Variants in AAGAB observed in about 807,000 individuals in gnomAD.
The protein encoded by AAGAB is alpha and gamma adaptin binding protein, also known as alpha- and gamma-adaptin-binding protein p34.
Under a neutral mutation model 44.1 loss-of-function variants are expected in AAGAB, and 38 were observed. The observed-to-expected ratio is 0.86, with a 90% CI of 0.67 to 1.13. The LOEUF is 1.13. AAGAB is among the 50% of genes most tolerant of loss of function. The pLI, the probability that AAGAB is intolerant of heterozygous loss-of-function variation, is 0.00. For synonymous variants in AAGAB, 131 were observed against 131.8 expected (o/e 0.99, Z 0.04); for missense variants, 450 against 373.8 (o/e 1.20, Z -1.68).
rs1232263127 is a variant in AAGAB, at chr15:67,205,879, CTTAAT to C, written c.716-1736_716-1732del. On this transcript the variant is annotated intron_variant, in intron 7 of 9. Coordinates refer to ENST00000261880, the MANE Select transcript of AAGAB (RefSeq NM_024666.5). Reference sequence around the variant, plus strand: ...ATTTGGTTTTGCCTTAAATCTTTTTCTTAATTTACTCTTAAAAAAAAACTTGCAAA... The same window carrying C: ...ATTTGGTTTTGCCTTAAATCTTTTTCTTACTCTTAAAAAAAAACTTGCAAA... 1.2e-4 allele frequency among the ~76,000 whole-genome samples: 16 copies of C among 133,060 alleles called. No homozygotes were observed. The South Asian group carries it at 3.6e-3, about 30-fold the overall frequency. The allele number at this position is 133,060 out of a possible 152,430, so 87.3% of individuals were successfully genotyped here. A position where few individuals can be genotyped will look rare whatever the true frequency, so the allele number is the denominator to read the frequency against.
chr15:67,213,291 A>G (rs1181890563), intron 5 of AAGAB, among the ~76,000 whole-genome samples: 1 of 152,214 alleles, frequency 6.6e-6, no homozygotes, highest in Non-Finnish European at 1.5e-5. Flanking sequence ...TGTCAGAAAC[A>G]AAACTATAGC....
chr15:67,242,629 G>C (rs1046494076), intron 1 of AAGAB: 20 of 152,168 alleles, frequency 1.3e-4, no homozygotes, highest in Admixed American at 3.3e-4. Context: ...AGTGGAAAGG[G>C]ACTTTGTAGC....
chr15:67,242,912 T>C lies in AAGAB; in HGVS notation c.74-6092A>G, dbSNP rs1219959584. ...ACTGCTTTAACAATAGTACAGAGAT[T>C]CTGGGTTGCTTACAACATTTAATTA... On this transcript the variant is annotated intron_variant, in intron 1 of 9. Transcript: ENST00000261880. 2.0e-5 allele frequency: 3 copies of C among 152,166 alleles called. No individual in the cohort carries two copies. In the East Asian group the frequency reaches 5.8e-4, roughly 29 times the overall value. The allele number at this position is 152,166 out of a possible 1,614,324, so 9.4% of individuals were successfully genotyped here.
At position 67,214,925 on chromosome 15, in the gene AAGAB, C is replaced by T. The variant is rs886286623; in HGVS notation, c.536-5381G>A. ...AAAGTGCTGGGATTACAGGTGTGAG[C>T]CACGGCACCCGGCAGTCCTTACTTT... On this transcript the variant is annotated intron_variant, in intron 5 of 9. Transcript: ENST00000261880. 3.3e-5 allele frequency among the ~76,000 whole-genome samples: 5 copies of T among 152,058 alleles called. No individual in the cohort carries two copies. The South Asian group carries it at 1.0e-3, about 32-fold the overall frequency.
Position 67,254,581 on chromosome 15 carries a change from G to A in AAGAB, c.51C>T (p.Phe17=), listed in dbSNP as rs374064896. The change falls in exon 1 of 10, where the codon TTC becomes TTT. Residue 17 remains phenylalanine, a synonymous_variant. Coordinates refer to ENST00000261880, the MANE Select transcript of AAGAB (RefSeq NM_024666.5). ...CALVTSCSSV[F]SGDQLVQHIL... ...CACGTTGGACCAGCTGGTCTCCTGA[G>A]AAGACGGAGGAGCAGCTGGTGACTA... 8.0e-5 allele frequency: 129 copies of A among 1,610,066 alleles called. No individual in the cohort carries two copies. The African/African-American group carries it at 1.7e-3, about 21-fold the overall frequency.
At position 67,244,798 on chromosome 15, in the gene AAGAB, C is replaced by T. The variant is rs559389994; in HGVS notation, c.74-7978G>A. On this transcript the variant is annotated intron_variant, in intron 1 of 9. Transcript: ENST00000261880. The stretch of plus-strand genomic sequence containing the variant: ...CAGCCTGGGCAAGAGAGTGAGACTC[C>T]GTCTTAAAAAAATAAAATAGTTAAA... Among the ~76,000 whole-genome samples the T allele has an allele frequency of 1.4e-3, 207 of 150,428 alleles. 2 individuals are homozygous for T. Among genetic ancestry groups the T allele is most frequent in the Non-Finnish European group, 2.3e-3 (154 of 67,792 alleles).
In AAGAB at chr15:67,242,220, G is replaced by A. The variant is rs1168091146; in HGVS notation, c.74-5400C>T. Reference sequence around the variant, plus strand: ...GGGTGGATCATGAGGTCAGGAGATCGAGACCATCCTGGCTAACAAGGTGAA... The same window carrying A: ...GGGTGGATCATGAGGTCAGGAGATCAAGACCATCCTGGCTAACAAGGTGAA... On this transcript the variant is annotated intron_variant, in intron 1 of 9. Coordinates refer to ENST00000261880, the MANE Select transcript of AAGAB (RefSeq NM_024666.5). Among the ~76,000 whole-genome samples the A allele has an allele frequency of 4.2e-5, 4 of 95,126 alleles. No individual in the cohort carries two copies. The East Asian group carries it at 2.0e-3, about 48-fold the overall frequency. 62.4% of individuals were successfully genotyped at this position (95,126 alleles called of 152,430 possible).
At chr15:67,206,369 T>C (rs1380916858) in intron 7 of AAGAB, among the ~76,000 whole-genome samples, 1 of 152,212 alleles carries the variant, frequency 6.6e-6, no homozygotes, top group Non-Finnish European at 1.5e-5. Flanking sequence ...TTCTCCAGTG[T>C]AAAGTTACTA....
rs369988746 is a variant in AAGAB, at chr15:67,202,848, T to G, written c.921A>C (p.Glu307Asp). 22 of 1,613,966 alleles carry G rather than the reference T, an allele frequency of 1.4e-5. No individual in the cohort carries two copies. The highest frequency in any genetic ancestry group is 1.7e-5 in the Non-Finnish European group (20 of 1,179,960). The change falls in exon 10 of 10, where the codon GAA becomes GAC. Residue 307 changes from glutamate to aspartate, a missense_variant. Glu to Asp is a conservative substitution (Grantham distance 45, BLOSUM62 2). Coordinates refer to ENST00000261880, the MANE Select transcript of AAGAB (RefSeq NM_024666.5). ...AGTGCTCTTCATCAGATGAAAGGCC[T>G]TCAATTTCATCTCTGTCTCCCCCGA... The part of the protein sequence containing the change: ...MAIGGDRDEI[E>D]GLSSDEEH
At chr15:67,208,296 T>A (rs1315628190) in intron 7 of AAGAB, among the ~76,000 whole-genome samples, 1 of 152,266 alleles carries the variant, frequency 6.6e-6, no homozygotes, top group Non-Finnish European at 1.5e-5. Context: ...TTTCGCCACC[T>A]GGTTCGGTCT....
intron 1 of AAGAB, among the ~76,000 whole-genome samples, chr15:67,239,283 C>T (rs922366330): frequency 6.6e-6 from 1 of 152,098 alleles, no homozygotes; most frequent in Non-Finnish European, 1.5e-5. Flanking sequence ...TTACTAACTG[C>T]AATTTAAAAT....
Position 67,254,536 on chromosome 15 carries a change from G to A in AAGAB, c.73+23C>T, listed in dbSNP as rs529424803. On this transcript the variant is annotated intron_variant, in intron 1 of 9. Coordinates refer to ENST00000261880, the MANE Select transcript of AAGAB (RefSeq NM_024666.5). ...CTGAGGCTCAGGGGCCTTGGAGGTCGGCCCAGGCGCCTATCTACTCACGTT... is the reference window on the plus strand; with the variant it reads ...CTGAGGCTCAGGGGCCTTGGAGGTCAGCCCAGGCGCCTATCTACTCACGTT... The A allele has an allele frequency of 1.9e-5, 31 of 1,591,128 alleles. No individual in the cohort carries two copies. In the East Asian group the frequency reaches 2.0e-4, roughly 10 times the overall value.
At chr15:67,206,564 G>A (rs1263239854) in intron 7 of AAGAB, among the ~76,000 whole-genome samples, 1 of 152,128 alleles carries the variant, frequency 6.6e-6, no homozygotes, top group Non-Finnish European at 1.5e-5. Flanking sequence ...GGAAGGAGAT[G>A]CTGTCCTTTC....
Position 67,236,481 on chromosome 15 carries a change from G to A in AAGAB, c.288C>T (p.Ser96=), listed in dbSNP as rs1964468533. 1.9e-6 allele frequency: 3 copies of A among 1,614,042 alleles called. No individual in the cohort carries two copies. Among genetic ancestry groups the A allele is most frequent in the African/African-American group, 2.7e-5 (2 of 75,002 alleles). Residue 96 remains serine, a synonymous_variant, in exon 3 of 10, where the codon TCC becomes TCT. Coordinates refer to ENST00000261880, the MANE Select transcript of AAGAB (RefSeq NM_024666.5). ...STQKSGLDSV[S]SWLPLAKAWL... is the part of the protein sequence containing the mutation. The stretch of plus-strand genomic sequence containing the variant: ...ATGCTTTTGCCAGTGGAAGCCATGA[G>A]GAGACACTATCAAGGCCCGATTTCT...
At chr15:67,254,441 T>A (rs927526965) in intron 1 of AAGAB, 118 bp downstream of exon 1, 3 of 1,457,546 alleles carry the variant, frequency 2.1e-6, no homozygotes, top group East Asian at 5.0e-5. Context: ...CTCCACTGAC[T>A]GGAGGAAGAA....
chr15:67,248,935 G>A (rs571122839), intron 1 of AAGAB, among the ~76,000 whole-genome samples: 5 of 152,016 alleles, frequency 3.3e-5, no homozygotes, highest in African/African-American at 1.2e-4. Flanking sequence ...CTTAAAATAA[G>A]GCTTGATTCC....
intron 5 of AAGAB, among the ~76,000 whole-genome samples, chr15:67,215,787 T>G (rs1963930481): frequency 6.6e-6 from 1 of 152,242 alleles, no homozygotes; most frequent in Non-Finnish European, 1.5e-5. Context: ...TACAATCCAC[T>G]TCTTGGCAAA....
intron 1 of AAGAB, among the ~76,000 whole-genome samples, chr15:67,246,603 G>T (rs1210717549): frequency 1.3e-5 from 2 of 152,104 alleles, no homozygotes; most frequent in Admixed American, 1.3e-4. Flanking sequence ...GGGTCGAGTG[G>T]GGACTAGCTA....
At chr15:67,212,024 C>T (rs373091474) in intron 5 of AAGAB, among the ~76,000 whole-genome samples, 352 of 152,254 alleles carry the variant, frequency 2.3e-3, no homozygotes, top group African/African-American at 7.9e-3. Context: ...GGACTACAGG[C>T]GCCCGCCACC....
Sources: allele counts gnomAD v4.1 joint callset (sites outside exome capture counted in the v4.1 genomes callset), GRCh38; gene constraint gnomAD v4.1.1; transcripts MANE v1.5; gene names NCBI Gene and HGNC (gene_info 2026-07-23, HGNC 2026-07-21).